PAK5: variants seen among roughly 807,000 people sequenced by gnomAD.
PAK5 encodes the protein serine/threonine-protein kinase PAK 5.
A neutral mutation model predicts 65.9 loss-of-function variants in PAK5; 16 were observed. That is an observed-to-expected ratio of 0.24 (90% CI 0.16 to 0.37). PAK5 has a LOEUF of 0.37. Among genes scored for constraint, PAK5 ranks in the 10% least tolerant of loss-of-function variants. The pLI is 1.00. For missense variants in PAK5, 785 were observed against 903.9 expected, an observed-to-expected ratio of 0.87 and a Z score of 1.69; for synonymous variants, 371 against 354.9, an observed-to-expected ratio of 1.05 and a Z score of -0.51.
intron 4 of PAK5, among the ~76,000 whole-genome samples, chr20:9,573,466 G>A (rs927832794): frequency 6.6e-6 from 1 of 152,266 alleles, no homozygotes; most frequent in African/African-American, 2.4e-5. Context: ...CAATTGCTCC[G>A]ATTACAGCTG....
chr20:9,653,365 G>A (rs1286327711), intron 2 of PAK5, among the ~76,000 whole-genome samples: 3 of 152,092 alleles, frequency 2.0e-5, no homozygotes, highest in African/African-American at 7.2e-5. Flanking sequence ...CCCAAATATG[G>A]AGACAGAGCC....
chr20:9,776,744 C>T (rs184624772), intron 1 of PAK5, among the ~76,000 whole-genome samples: 2 of 152,220 alleles, frequency 1.3e-5, no homozygotes, highest in East Asian at 3.9e-4. Context: ...TCCCACCAAC[C>T]CCCAAGCCCC....
chr20:9,646,198 T>C (rs1352976575), intron 2 of PAK5, among the ~76,000 whole-genome samples: 2 of 152,248 alleles, frequency 1.3e-5, no homozygotes, highest in Admixed American at 6.5e-5. Flanking sequence ...GTTACTTCTT[T>C]TAAACACTTG....
At chr20:9,731,088 C>A (rs1320012025) in intron 1 of PAK5, among the ~76,000 whole-genome samples, 1 of 152,072 alleles carries the variant, frequency 6.6e-6, no homozygotes, top group South Asian at 2.1e-4. Flanking sequence ...TTGAGCATAT[C>A]CCCTTGGTGA....
intron 1 of PAK5, among the ~76,000 whole-genome samples, chr20:9,809,996 T>C (rs1403606538): frequency 6.6e-6 from 1 of 152,206 alleles, no homozygotes; most frequent in Non-Finnish European, 1.5e-5. Context: ...CTTCCAATGC[T>C]AAAATTACAT....
At chr20:9,703,984 G>A (rs1171733711) in intron 2 of PAK5, among the ~76,000 whole-genome samples, 1 of 152,142 alleles carries the variant, frequency 6.6e-6, no homozygotes, top group Non-Finnish European at 1.5e-5. Flanking sequence ...GGCAAGGAAA[G>A]CTGTTCTTCT....
intron 3 of PAK5, among the ~76,000 whole-genome samples, chr20:9,630,892 G>A (rs1030585301): frequency 6.6e-6 from 1 of 152,080 alleles, no homozygotes; most frequent in African/African-American, 2.4e-5. Flanking sequence ...TTTTTACACC[G>A]GTTATCCTGT....
chr20:9,679,504 G>GA lies in PAK5; in HGVS notation c.-12+31781dup, dbSNP rs557058067. Among the ~76,000 whole-genome samples the GA allele has an allele frequency of 1.6e-3, 250 of 152,182 alleles. 1 individual carries two copies. The highest frequency in any genetic ancestry group is 0.01 in the Middle Eastern group (3 of 294). ...TCTTCCATTATATCTTATGTTTCTGGATGGTAAACACCTTTTTTTTCTCAT... is the reference window on the plus strand; with the variant it reads ...TCTTCCATTATATCTTATGTTTCTGGAATGGTAAACACCTTTTTTTTCTCAT... On this transcript the variant is annotated intron_variant, in intron 2 of 9. Coordinates refer to ENST00000353224, the MANE Select transcript of PAK5 (RefSeq NM_177990.4).
chr20:9,630,312 G>T lies in PAK5; in HGVS notation c.204+13813C>A, dbSNP rs562665957. Among the ~76,000 whole-genome samples the T allele has an allele frequency of 2.0e-4, 31 of 152,276 alleles. No homozygotes were observed. In the South Asian group the frequency reaches 6.4e-3, roughly 32 times the overall value. On this transcript the variant is annotated intron_variant, in intron 3 of 9. Transcript: ENST00000353224. ...TGTTAGAAACTTAGAAAGATCAAAA[G>T]ACAAAACTATGCAGTTACACGAAGG...
chr20:9,772,004 T>A (rs2048839251), intron 1 of PAK5, among the ~76,000 whole-genome samples: 1 of 152,110 alleles, frequency 6.6e-6, no homozygotes, highest in South Asian at 2.1e-4. Flanking sequence ...CACCACTGCA[T>A]TCCAGCCTGG....
chr20:9,667,620 G>A (rs952039441), intron 2 of PAK5, among the ~76,000 whole-genome samples: 1 of 152,002 alleles, frequency 6.6e-6, no homozygotes, highest in African/African-American at 2.4e-5. Context: ...AATACCCTGT[G>A]GAATATAAAA....
intron 6 of PAK5, among the ~76,000 whole-genome samples, chr20:9,561,737 C>T (rs55865327): frequency 0.16 from 24,584 of 152,144 alleles, 2,336 homozygotes; most frequent in African/African-American, 0.26. Context: ...ATAACATCAG[C>T]TAACACTCAA....
At chr20:9,750,173 G>A (rs929264363) in intron 1 of PAK5, among the ~76,000 whole-genome samples, 3 of 151,876 alleles carry the variant, frequency 2.0e-5, no homozygotes, top group Non-Finnish European at 4.4e-5. Context: ...TACTCTCTTG[G>A]TGGCAGCAAA....
chr20:9,755,361 A>G (rs2048621905), intron 1 of PAK5, among the ~76,000 whole-genome samples: 1 of 152,196 alleles, frequency 6.6e-6, no homozygotes, highest in East Asian at 1.9e-4. Context: ...ATGCTTTCAC[A>G]TTTCACCCAA....
intron 1 of PAK5, among the ~76,000 whole-genome samples, chr20:9,713,520 T>C (rs974135704): frequency 6.6e-6 from 1 of 151,984 alleles, no homozygotes; most frequent in Non-Finnish European, 1.5e-5. Flanking sequence ...TGAGTATATA[T>C]CAACAGAAAG....
intron 1 of PAK5, among the ~76,000 whole-genome samples, chr20:9,751,415 TC>T (rs2048575991): frequency 6.6e-6 from 1 of 152,120 alleles, no homozygotes; most frequent in South Asian, 2.1e-4. Context: ...CTTGCTTCTC[TC>T]TCCTCATCTC....
intron 3 of PAK5, among the ~76,000 whole-genome samples, chr20:9,582,479 G>A (rs1261018364): frequency 3.3e-5 from 5 of 152,164 alleles, no homozygotes; most frequent in Admixed American, 2.0e-4. Context: ...ATCGCATAAT[G>A]TTTAGGGTAC....
intron 3 of PAK5, among the ~76,000 whole-genome samples, chr20:9,592,244 T>A (rs1031595905): frequency 1.3e-5 from 2 of 152,188 alleles, no homozygotes; most frequent in Non-Finnish European, 1.5e-5. Flanking sequence ...TTGGGTACAA[T>A]GTTCAATATT....
chr20:9,737,279 T>C (rs1181539160), intron 1 of PAK5, among the ~76,000 whole-genome samples: 1 of 152,042 alleles, frequency 6.6e-6, no homozygotes. Context: ...AGTGTATAGA[T>C]AGACACAAAT....
Sources: gnomAD v4.1 joint callset for allele counts (sites outside exome capture counted in the v4.1 genomes callset) on GRCh38, gnomAD v4.1.1 for gene constraint, MANE v1.5 for transcripts, NCBI Gene and HGNC (gene_info 2026-07-23, HGNC 2026-07-21) for gene names.